The following ASAP1 variants were observed in gnomAD, a reference collection of about 807,000 sequenced individuals.
ASAP1 encodes the protein ArfGAP with SH3 domain, ankyrin repeat and PH domain 1.
A neutral mutation model predicts 145.2 loss-of-function variants in ASAP1; 43 were observed. That is an observed-to-expected ratio of 0.30 (90% confidence interval 0.23 to 0.38). ASAP1 has a LOEUF of 0.38. Among genes scored for constraint, ASAP1 ranks in the 10% least tolerant of loss-of-function variants. The pLI, the probability that ASAP1 is intolerant of heterozygous loss-of-function variation, is 1.00. For missense variants in ASAP1, 1,018 were observed against 1,355.3 expected (o/e 0.75, Z 3.91); for synonymous variants, 546 against 515.5 (o/e 1.06, Z -0.80).
At chr8:130,284,104 C>CT (rs1821443680) in intron 3 of ASAP1, among the ~76,000 whole-genome samples, 1 of 152,136 alleles carries the variant, frequency 6.6e-6, no homozygotes, top group Admixed American at 6.5e-5. Context: ...GACAGAGGTT[C>CT]TAATGGACAA....
At chr8:130,337,073 C>T (rs1565221041) in intron 3 of ASAP1, among the ~76,000 whole-genome samples, 1 of 152,132 alleles carries the variant, frequency 6.6e-6, no homozygotes, top group Non-Finnish European at 1.5e-5. Flanking sequence ...AATAGCTAAC[C>T]CAGTCAGGAC....
chr8:130,315,658 C>T (rs1823623507), intron 3 of ASAP1, among the ~76,000 whole-genome samples: 1 of 152,186 alleles, frequency 6.6e-6, no homozygotes, highest in Non-Finnish European at 1.5e-5. Flanking sequence ...GGGTCCCCTG[C>T]TTCCCAAGTT....
chr8:130,256,737 T>TC (rs1819537735), intron 3 of ASAP1, among the ~76,000 whole-genome samples: 1 of 55,614 alleles, frequency 1.8e-5, no homozygotes, highest in African/African-American at 6.3e-5. Flanking sequence ...ATATACACAT[T>TC]CTTATATATA....
At chr8:130,142,095 G>A (rs752861424) in intron 13 of ASAP1, among the ~76,000 whole-genome samples, 1 of 152,152 alleles carries the variant, frequency 6.6e-6, no homozygotes, top group Non-Finnish European at 1.5e-5. Flanking sequence ...CTACCTGTGA[G>A]GGAAGTCTTC....
intron 3 of ASAP1, among the ~76,000 whole-genome samples, chr8:130,344,343 G>GT (rs139791034): frequency 8.6e-5 from 13 of 151,776 alleles, no homozygotes; most frequent in East Asian, 1.9e-4. Context: ...CCGAGGAAGT[G>GT]TTTTTTTCAG....
At chr8:130,194,374 G>C (rs922699299) in intron 5 of ASAP1, among the ~76,000 whole-genome samples, 8 of 151,222 alleles carry the variant, frequency 5.3e-5, no homozygotes, top group African/African-American at 1.9e-4. Flanking sequence ...ATATTCACTG[G>C]GGGGAGCAAA....
chr8:130,202,414 T>C (rs1464440336), intron 5 of ASAP1, among the ~76,000 whole-genome samples: 2 of 152,162 alleles, frequency 1.3e-5, no homozygotes, highest in African/African-American at 4.8e-5. Flanking sequence ...ATCTCTCACA[T>C]AGAAAATGAC....
chr8:130,215,336 G>A (rs116576494), intron 4 of ASAP1, among the ~76,000 whole-genome samples: 2,530 of 152,230 alleles, frequency 0.017, 72 homozygotes, highest in African/African-American at 0.057. Flanking sequence ...GGTGGCTCAC[G>A]CCTGTAATCC....
chr8:130,389,770 G>T (rs762675040), intron 2 of ASAP1, among the ~76,000 whole-genome samples: 1 of 152,072 alleles, frequency 6.6e-6, no homozygotes, highest in African/African-American at 2.4e-5. Context: ...GCACAGTCAC[G>T]GCTCACTGCG....
intron 24 of ASAP1, among the ~76,000 whole-genome samples, chr8:130,094,591 A>G (rs1161660465): frequency 2.0e-5 from 3 of 152,198 alleles, no homozygotes; most frequent in Non-Finnish European, 4.4e-5. Flanking sequence ...TATGTGGGTC[A>G]GGTAGTATTG....
At chr8:130,088,741 A>G (rs2097499296) in intron 25 of ASAP1, among the ~76,000 whole-genome samples, 1 of 152,240 alleles carries the variant, frequency 6.6e-6, no homozygotes, top group African/African-American at 2.4e-5. Context: ...ATCTCTAGCT[A>G]TCCAGCAAAA....
intron 5 of ASAP1, among the ~76,000 whole-genome samples, chr8:130,193,291 C>A (rs1289005731): frequency 6.6e-6 from 1 of 151,926 alleles, no homozygotes; most frequent in Non-Finnish European, 1.5e-5. Context: ...ATCGCCTGAA[C>A]CTGGGAGGTG....
At chr8:130,368,892 G>A (rs183801593) in intron 2 of ASAP1, among the ~76,000 whole-genome samples, 1 of 152,146 alleles carries the variant, frequency 6.6e-6, no homozygotes, top group Admixed American at 6.5e-5. Context: ...TTCTTTTTTA[G>A]TGTAAGCTAG....
At chr8:130,378,470 G>C (rs1329855677) in intron 2 of ASAP1, among the ~76,000 whole-genome samples, 1 of 152,220 alleles carries the variant, frequency 6.6e-6, no homozygotes, top group Admixed American at 6.5e-5. Flanking sequence ...TACAGCAGGT[G>C]CAAGTGCACG....
At chr8:130,104,982 T>C (rs1161048695) in intron 24 of ASAP1, among the ~76,000 whole-genome samples, 3 of 152,218 alleles carry the variant, frequency 2.0e-5, no homozygotes. Flanking sequence ...TGACAAAAGT[T>C]ATATCTATCC....
At chr8:130,159,170 A>G (rs2097664079) in intron 12 of ASAP1, among the ~76,000 whole-genome samples, 1 of 152,206 alleles carries the variant, frequency 6.6e-6, no homozygotes, top group South Asian at 2.1e-4. Flanking sequence ...ACCCTAGAGC[A>G]GGGGCTGAGG....
Position 130,269,497 on chromosome 8 carries a change from T to A in ASAP1, c.187-32503A>T, listed in dbSNP as rs1416981836. ...AACAGCAGGAAAGAAACAAGAATGT[T>A]AAACTTATGTCCCAACAGATTAAAC... is the stretch of plus-strand genomic sequence containing the variant. On this transcript the variant is annotated intron_variant, in intron 3 of 29. Coordinates refer to ENST00000518721, the MANE Select transcript of ASAP1 (RefSeq NM_018482.4). 2.6e-5 allele frequency among the ~76,000 whole-genome samples: 4 copies of A among 152,192 alleles called. No homozygotes were observed. The East Asian group carries it at 7.7e-4, about 29-fold the overall frequency.
At chr8:130,325,410 AACCAC>A (rs1217006690) in intron 3 of ASAP1, among the ~76,000 whole-genome samples, 1 of 152,222 alleles carries the variant, frequency 6.6e-6, no homozygotes, top group Non-Finnish European at 1.5e-5. Flanking sequence ...TGAATTTGGT[AACCAC>A]ACCACAAGTA....
At chr8:130,155,396 T>C (rs940448985) in intron 12 of ASAP1, among the ~76,000 whole-genome samples, 2 of 152,156 alleles carry the variant, frequency 1.3e-5, no homozygotes, top group Non-Finnish European at 2.9e-5. Flanking sequence ...AGACAGGGTG[T>C]CACTTTGTAA....
Sources: allele counts gnomAD v4.1 joint callset (sites outside exome capture counted in the v4.1 genomes callset), GRCh38; gene constraint gnomAD v4.1.1; transcripts MANE v1.5; gene names NCBI Gene and HGNC (gene_info 2026-07-23, HGNC 2026-07-21).